The following SMYD3 variants were observed in gnomAD, a reference collection of about 807,000 sequenced individuals.
The protein encoded by SMYD3 is histone-lysine N-methyltransferase SMYD3.
A neutral mutation model predicts 57.7 loss-of-function variants in SMYD3; 36 were observed. That is an observed-to-expected ratio of 0.62 (90% confidence interval 0.48 to 0.82). SMYD3 has a LOEUF of 0.82. Ranked by LOEUF, SMYD3 falls within the 40% of genes least tolerant of loss-of-function variation. SMYD3 has a pLI of 0.00. For synonymous variants in SMYD3, 211 were observed against 195.0 expected, an observed-to-expected ratio of 1.08 and a Z score of -0.68; for missense variants, 515 against 538.8, an observed-to-expected ratio of 0.96 and a Z score of 0.44.
At chr1:245,905,680 C>A (rs1215780193) in intron 8 of SMYD3, among the ~76,000 whole-genome samples, 1 of 152,200 alleles carries the variant, frequency 6.6e-6, no homozygotes, top group Admixed American at 6.5e-5. Flanking sequence ...GCTGGCTTTG[C>A]CACCTGCTGA....
In SMYD3 at chr1:246,002,562, A is replaced by C. The variant is rs112534605; in HGVS notation, c.532-72625T>G. 5.2e-3 allele frequency among the ~76,000 whole-genome samples: 382 copies of C among 73,772 alleles called. 20 individuals are homozygous for C. The highest frequency in any genetic ancestry group is 0.015 in the South Asian group (18 of 1,238). 48.4% of individuals were successfully genotyped at this position (73,772 alleles called of 152,430 possible). ...CTCGATCTCCTGACCTCGTGATCCG[A>C]CCGCCTCGGCCTCCCAAAGTGCTGG... On this transcript the variant is annotated intron_variant, in intron 5 of 11. Coordinates refer to ENST00000490107, the MANE Select transcript of SMYD3 (RefSeq NM_001167740.2).
At chr1:245,757,999 C>G (rs980899504) in intron 11 of SMYD3, among the ~76,000 whole-genome samples, 3 of 152,130 alleles carry the variant, frequency 2.0e-5, no homozygotes, top group African/African-American at 7.2e-5. Context: ...TGCATTGAAT[C>G]TGAAGATTAT....
chr1:246,061,843 G>A lies in SMYD3; in HGVS notation c.532-131906C>T, dbSNP rs111696018. Among the ~76,000 whole-genome samples the A allele has an allele frequency of 1.8e-4, 28 of 152,260 alleles. 1 individual carries two copies. Among genetic ancestry groups the A allele is most frequent in the African/African-American group, 6.3e-4 (26 of 41,544 alleles). On this transcript the variant is annotated intron_variant, in intron 5 of 11. Coordinates refer to ENST00000490107, the MANE Select transcript of SMYD3 (RefSeq NM_001167740.2). ...GAAATGAGAGCTGCCTTGATAGACC[G>A]GCACTATTACAAAGACGTGCATTGC...
chr1:245,772,168 G>T (rs1409524679), intron 10 of SMYD3, among the ~76,000 whole-genome samples: 1 of 152,140 alleles, frequency 6.6e-6, no homozygotes, highest in Admixed American at 6.5e-5. Context: ...CATTAAGATG[G>T]ATCTGCACTC....
chr1:246,401,536 T>C (rs372475272), intron 1 of SMYD3, among the ~76,000 whole-genome samples: 1 of 152,004 alleles, frequency 6.6e-6, no homozygotes, highest in South Asian at 2.1e-4. Context: ...TTTCACCATG[T>C]TGGCGAGGCT....
intron 10 of SMYD3, among the ~76,000 whole-genome samples, chr1:245,824,976 A>G (rs924914557): frequency 2.0e-5 from 3 of 151,932 alleles, no homozygotes; most frequent in African/African-American, 4.8e-5. Flanking sequence ...GGTTGCAGTC[A>G]GCCGAGATCG....
chr1:245,992,965 G>A (rs919485983), intron 5 of SMYD3, among the ~76,000 whole-genome samples: 5 of 141,026 alleles, frequency 3.5e-5, no homozygotes, highest in South Asian at 2.3e-4. Context: ...CTAGAATGGC[G>A]GTCATGGGGC....
chr1:246,399,235 G>T (rs76244157), intron 1 of SMYD3, among the ~76,000 whole-genome samples: 9,918 of 152,010 alleles, frequency 0.065, 629 homozygotes, highest in East Asian at 0.32. Flanking sequence ...TGTTGGCCAG[G>T]CTGGTCTTGA....
chr1:246,339,507 G>C (rs2065597322), intron 2 of SMYD3, among the ~76,000 whole-genome samples: 3 of 145,508 alleles, frequency 2.1e-5, no homozygotes. Context: ...AGTTGGGTCT[G>C]AAAAGAACTG....
chr1:246,429,149 A>C (rs2067263536), intron 1 of SMYD3, among the ~76,000 whole-genome samples: 1 of 151,428 alleles, frequency 6.6e-6, no homozygotes, highest in South Asian at 2.1e-4. Flanking sequence ...AGGTACAGTA[A>C]TAAGGGAAGT....
chr1:246,335,355 T>A lies in SMYD3; in HGVS notation c.336+12A>T, dbSNP rs889448206. On this transcript the variant is annotated intron_variant, in intron 3 of 11. Coordinates refer to ENST00000490107, the MANE Select transcript of SMYD3 (RefSeq NM_001167740.2). ...CCAAAACCCAGCTATATTTCATGAG[T>A]TTTATACTCACAAGTTTGAAGACAA... The A allele has an allele frequency of 5.6e-6, 9 of 1,611,548 alleles. No individual in the cohort carries two copies. The highest frequency in any genetic ancestry group is 7.6e-6 in the Non-Finnish European group (9 of 1,177,884).
At chr1:246,220,679 C>A (rs1317696552) in intron 5 of SMYD3, among the ~76,000 whole-genome samples, 3 of 152,186 alleles carry the variant, frequency 2.0e-5, no homozygotes, top group Admixed American at 6.5e-5. Flanking sequence ...CAGTGAGGCC[C>A]CATTGTCAAG....
chr1:246,357,141 T>A (rs138107944), intron 1 of SMYD3, among the ~76,000 whole-genome samples: 175 of 152,370 alleles, frequency 1.1e-3, no homozygotes, highest in African/African-American at 4.1e-3. Context: ...GAATAGGAGC[T>A]GAGTTAAATG....
At chr1:246,222,733 T>C (rs1300821450) in intron 5 of SMYD3, among the ~76,000 whole-genome samples, 1 of 152,086 alleles carries the variant, frequency 6.6e-6, no homozygotes, top group African/African-American at 2.4e-5. Context: ...TAATATAAAC[T>C]GAAGGATGCA....
rs1470634930 is a variant in SMYD3, at chr1:246,043,306, T to C, written c.532-113369A>G. ...AGACTAATATTTACTGAGCACACAG[T>C]ACTATGTAAAGCAGTAGAAGCCAAT... On this transcript the variant is annotated intron_variant, in intron 5 of 11. Transcript: ENST00000490107. 3.3e-5 allele frequency among the ~76,000 whole-genome samples: 5 copies of C among 152,246 alleles called. No homozygotes were observed. In the East Asian group the frequency reaches 7.7e-4, roughly 23 times the overall value.
At chr1:245,767,818 C>T (rs548885074) in intron 10 of SMYD3, among the ~76,000 whole-genome samples, 16 of 152,086 alleles carry the variant, frequency 1.1e-4, no homozygotes, top group Admixed American at 5.9e-4. Flanking sequence ...GACACACACG[C>T]GCAAAGCTAG....
intron 5 of SMYD3, among the ~76,000 whole-genome samples, chr1:246,031,686 G>A (rs1203837325): frequency 6.6e-6 from 1 of 150,814 alleles, no homozygotes; most frequent in Non-Finnish European, 1.5e-5. Flanking sequence ...GCAGTGAGCA[G>A]AGATCGCGCC....
At chr1:246,378,496 C>T (rs1390715854) in intron 1 of SMYD3, among the ~76,000 whole-genome samples, 8 of 151,052 alleles carry the variant, frequency 5.3e-5, no homozygotes, top group Non-Finnish European at 1.5e-5. Context: ...ATCTTTCTCC[C>T]ATGCAATGCT....
chr1:246,273,132 TTTC>T (rs1435769141), intron 5 of SMYD3, among the ~76,000 whole-genome samples: 5 of 124,344 alleles, frequency 4.0e-5, no homozygotes, highest in Non-Finnish European at 6.4e-5. Context: ...ATGTCCCTGT[TTTC>T]TTTTTTTTTT....
Sources: gnomAD v4.1 joint callset for allele counts (sites outside exome capture counted in the v4.1 genomes callset) on GRCh38, gnomAD v4.1.1 for gene constraint, MANE v1.5 for transcripts, NCBI Gene and HGNC (gene_info 2026-07-23, HGNC 2026-07-21) for gene names.